LRP2BP: variants seen among roughly 807,000 people sequenced by gnomAD.
The protein encoded by LRP2BP is LRP2 binding protein.
LRP2BP carries 38 observed loss-of-function variants against 45.2 expected under a neutral mutation model. That is an observed-to-expected ratio of 0.84 (90% CI 0.65 to 1.10). LRP2BP has a LOEUF of 1.10. Ranked by LOEUF, LRP2BP falls within the 50% of genes least tolerant of loss-of-function variation. LRP2BP has a pLI of 0.00. For synonymous variants in LRP2BP, 153 were observed against 153.9 expected (o/e 0.99, Z 0.04); for missense variants, 385 against 418.9 (o/e 0.92, Z 0.71).
At chr4:185,389,605 T>C (rs2095482785) in intron 1 of LRP2BP, among the ~76,000 whole-genome samples, 1 of 60,214 alleles carries the variant, frequency 1.7e-5, no homozygotes, top group South Asian at 8.6e-4. Context: ...TCCAGGCACT[T>C]TAAATGACCT....
At chr4:185,388,509 GCTAT>G (rs1344444764) in intron 1 of LRP2BP, among the ~76,000 whole-genome samples, 1 of 133,220 alleles carries the variant, frequency 7.5e-6, no homozygotes, top group South Asian at 2.5e-4. Context: ...GCCTACCTAG[GCTAT>G]CTATCTACCT....
At chr4:185,389,419 C>T (rs1157923787) in intron 1 of LRP2BP, among the ~76,000 whole-genome samples, 1 of 151,784 alleles carries the variant, frequency 6.6e-6, no homozygotes, top group African/African-American at 2.4e-5. Flanking sequence ...ACTATGTTGG[C>T]CAGACTCGTC....
At chr4:185,393,687 G>A (rs1251006413) in intron 1 of LRP2BP, among the ~76,000 whole-genome samples, 1 of 151,640 alleles carries the variant, frequency 6.6e-6, no homozygotes, top group Non-Finnish European at 1.5e-5. Flanking sequence ...CACCACGCCC[G>A]GCCAATTTTT....
intron 8 of LRP2BP, among the ~76,000 whole-genome samples, chr4:185,367,453 T>G (rs1216120152): frequency 6.6e-6 from 1 of 152,180 alleles, no homozygotes; most frequent in Non-Finnish European, 1.5e-5. Context: ...TATTCTCATT[T>G]GAAAGAGATA....
chr4:185,373,085 A>T lies in LRP2BP; in HGVS notation c.580-6T>A. On this transcript the variant is annotated splice_polypyrimidine_tract_variant and splice_region_variant and intron_variant, in intron 6 of 8. Transcript: ENST00000505916. Reference sequence around the variant, plus strand: ...TCGGAATGCCAGTAAAATGCCTAAGAAAAGCACAGTTTCATCATTGTATTT... The same window carrying T: ...TCGGAATGCCAGTAAAATGCCTAAGTAAAGCACAGTTTCATCATTGTATTT... 1 of 1,600,808 alleles carries T rather than the reference A, an allele frequency of 6.2e-7. No homozygotes were observed. Among genetic ancestry groups the T allele is most frequent in the South Asian group, 1.1e-5 (1 of 90,830 alleles).
intron 6 of LRP2BP, among the ~76,000 whole-genome samples, chr4:185,373,290 T>A (rs1449664444): frequency 6.6e-6 from 1 of 152,132 alleles, no homozygotes; most frequent in East Asian, 1.9e-4. Flanking sequence ...ACAGTGCAGG[T>A]GAGATCACAG....
chr4:185,370,631 A>G lies in LRP2BP; in HGVS notation c.978+9T>C. ...TTTGGGTGAATTTATATTTTGTTCTAAAGCTTACTTTAGAATAATAGTGTT... is the reference window on the plus strand; with the variant it reads ...TTTGGGTGAATTTATATTTTGTTCTGAAGCTTACTTTAGAATAATAGTGTT... On this transcript the variant is annotated intron_variant, in intron 8 of 8. Transcript: ENST00000505916. 2 of 1,612,138 alleles carry G rather than the reference A, an allele frequency of 1.2e-6. No homozygotes were observed. Among genetic ancestry groups the G allele is most frequent in the Non-Finnish European group, 1.7e-6 (2 of 1,178,442 alleles).
At chr4:185,378,237 G>T (rs1157878634) in intron 1 of LRP2BP, 30 bp from the exon 2 acceptor site, 1 of 1,603,224 alleles carries the variant, frequency 6.2e-7, no homozygotes, top group East Asian at 2.2e-5. Flanking sequence ...ATAAGTGGTA[G>T]AAATTTCTTC....
At chr4:185,390,317 C>A (rs545040120) in intron 1 of LRP2BP, among the ~76,000 whole-genome samples, 2 of 152,000 alleles carry the variant, frequency 1.3e-5, no homozygotes, top group Non-Finnish European at 2.9e-5. Context: ...TCAAGACCAG[C>A]CTGACCAACA....
upstream of LRP2BP, chr4:185,396,823 C>T (rs2095504639): frequency 1.5e-6 from 2 of 1,309,178 alleles, no homozygotes; most frequent in African/African-American, 1.5e-5. Context: ...TTAAATTCTC[C>T]CGTGCTAGGG....
chr4:185,397,127 C>G, upstream of LRP2BP: 1 of 1,612,568 alleles, frequency 6.2e-7, no homozygotes, highest in Admixed American at 1.7e-5. Flanking sequence ...GGGAAGGGTG[C>G]TGGATCTGTT....
chr4:185,393,190 C>CA (rs2095492896), intron 1 of LRP2BP, among the ~76,000 whole-genome samples: 3 of 152,326 alleles, frequency 2.0e-5, no homozygotes, highest in Middle Eastern at 6.8e-3. Context: ...CTCAGCCTCC[C>CA]AAAGTGTTGG....
chr4:185,385,903 GGA>G (rs1259892367), intron 1 of LRP2BP, among the ~76,000 whole-genome samples: 1 of 52,328 alleles, frequency 1.9e-5, no homozygotes, highest in African/African-American at 4.4e-5. Flanking sequence ...TCTGTCTCGG[GGA>G]GGGGGGGGGG....
Position 185,373,071 on chromosome 4 carries a change from G to A in LRP2BP, c.588C>T (p.Tyr196=), listed in dbSNP as rs1177869008. 3 of 1,604,568 alleles carry A rather than the reference G, an allele frequency of 1.9e-6. No individual in the cohort carries two copies. The highest frequency in any genetic ancestry group is 2.6e-6 in the Non-Finnish European group (3 of 1,171,974). Residue 196 remains tyrosine, a synonymous_variant, in exon 7 of 9, where the codon TAC becomes TAT. Transcript: ENST00000505916. The part of the protein sequence containing the change: ...KEPKELEKAF[Y]WHSEACGNGN... ...CATTGCCACATGCTTCGGAATGCCAGTAAAATGCCTAAGAAAAGCACAGTT... is the reference window on the plus strand; with the variant it reads ...CATTGCCACATGCTTCGGAATGCCAATAAAATGCCTAAGAAAAGCACAGTT...
chr4:185,383,784 C>A (rs1265607947), intron 1 of LRP2BP, among the ~76,000 whole-genome samples: 1 of 152,208 alleles, frequency 6.6e-6, no homozygotes, highest in African/African-American at 2.4e-5. Context: ...ATGACTTGCC[C>A]CCAACAAAAA....
chr4:185,377,191 T>C, intron 2 of LRP2BP, 173 bp from the exon 3 acceptor site: 1 of 606,056 alleles, frequency 1.7e-6, no homozygotes, highest in Non-Finnish European at 2.9e-6. Flanking sequence ...AAAAACGTCA[T>C]GGTCACAGGC....
chr4:185,377,246 G>A (rs1378097260), intron 2 of LRP2BP: 7 of 455,454 alleles, frequency 1.5e-5, no homozygotes, highest in South Asian at 2.9e-5. Flanking sequence ...GGCCGGGCGC[G>A]GTGGCTCACG....
Position 185,374,456 on chromosome 4 carries a change from T to C in LRP2BP, c.336A>G (p.Lys112=). The change falls in exon 5 of 9, where the codon AAA becomes AAG. Residue 112 remains lysine (K), a synonymous_variant. Transcript: ENST00000505916. ...GAATTTTCTTCATATAGTCCACCCC[T>C]TTCTCCTTCGACAAAAGAAAGAGCA... ...DGLGTTLDAE[K]GVDYMKKILD... The C allele has an allele frequency of 6.2e-7, 1 of 1,604,178 alleles. No individual in the cohort carries two copies. Among genetic ancestry groups the C allele is most frequent in the African/African-American group, 1.3e-5 (1 of 74,338 alleles).
At chr4:185,381,569 C>A (rs1000035665) in intron 1 of LRP2BP, among the ~76,000 whole-genome samples, 5 of 152,168 alleles carry the variant, frequency 3.3e-5, no homozygotes, top group African/African-American at 1.2e-4. Context: ...TATGGGAAGA[C>A]TGCTTGGTTC....
Sources: gnomAD v4.1 joint callset for allele counts (sites outside exome capture counted in the v4.1 genomes callset) on GRCh38, gnomAD v4.1.1 for gene constraint, MANE v1.5 for transcripts, NCBI Gene and HGNC (gene_info 2026-07-23, HGNC 2026-07-21) for gene names.